Variants in SYNE2 observed in about 807,000 individuals in gnomAD.
SYNE2 encodes the protein spectrin repeat containing nuclear envelope protein 2, also known as nesprin-2.
Under a neutral mutation model 856.3 loss-of-function variants are expected in SYNE2, and 431 were observed. The observed-to-expected ratio is 0.50, with a 90% CI of 0.47 to 0.55. The LOEUF is 0.55. Among genes scored for constraint, SYNE2 ranks in the 20% least tolerant of loss-of-function variants. SYNE2 has a pLI of 0.00. For synonymous variants in SYNE2, 2,923 were observed against 2,872.3 expected (o/e 1.02, Z -0.56); for missense variants, 8,129 against 8,023.2 (o/e 1.01, Z -0.50).
At chr14:64,127,118 G>A (rs568748242) in intron 73 of SYNE2, among the ~76,000 whole-genome samples, 4 of 152,228 alleles carry the variant, frequency 2.6e-5, no homozygotes, top group East Asian at 1.9e-4. Context: ...AAAATTAGCC[G>A]GACATGGTGG....
At chr14:64,211,786 C>G (rs1396482250) in intron 103 of SYNE2, among the ~76,000 whole-genome samples, 175 bp from the exon 104 acceptor site, 2 of 152,216 alleles carry the variant, frequency 1.3e-5, no homozygotes, top group Non-Finnish European at 2.9e-5. Flanking sequence ...AAGCCAGAAC[C>G]AGACCCCAGC....
chr14:64,024,846 A>G (rs1313459945), intron 39 of SYNE2, 66 bp from the exon 40 acceptor site: 2 of 1,569,608 alleles, frequency 1.3e-6, no homozygotes, highest in African/African-American at 1.4e-5. Context: ...GGTTTGTGCC[A>G]TCCTTTTCTT....
At chr14:63,806,215 T>G (rs1437799017) in intron 1 of SYNE2, among the ~76,000 whole-genome samples, 1 of 152,214 alleles carries the variant, frequency 6.6e-6, no homozygotes, top group Non-Finnish European at 1.5e-5. Context: ...ATTGAAAGCC[T>G]TTTCTGTGTC....
At chr14:63,845,678 T>C (rs1335671290) in intron 1 of SYNE2, among the ~76,000 whole-genome samples, 13 of 151,806 alleles carry the variant, frequency 8.6e-5, no homozygotes, top group Admixed American at 6.6e-4. Flanking sequence ...TTTTAATACC[T>C]TGAACTATTA....
intron 57 of SYNE2, chr14:64,084,143 TG>T (rs2097543295): frequency 1.3e-5 from 2 of 152,162 alleles, no homozygotes; most frequent in Admixed American, 1.3e-4. Context: ...AGGCTGGTCT[TG>T]AACTCCTGAC....
intron 54 of SYNE2, among the ~76,000 whole-genome samples, chr14:64,077,130 A>G (rs2097468375): frequency 6.6e-6 from 1 of 152,144 alleles, no homozygotes; most frequent in African/African-American, 2.4e-5. Context: ...GACCCTCTAT[A>G]TTTGTAACAA....
chr14:63,781,738 T>C (rs1252154539), intron 1 of SYNE2, among the ~76,000 whole-genome samples: 1 of 152,068 alleles, frequency 6.6e-6, no homozygotes, highest in African/African-American at 2.4e-5. Flanking sequence ...CTAGAAACAA[T>C]GACACACCAA....
intron 48 of SYNE2, 124 bp downstream of exon 48, chr14:64,053,781 T>C (rs1309400121): frequency 1.1e-6 from 1 of 870,292 alleles, no homozygotes; most frequent in Admixed American, 2.9e-5. Context: ...CTGGCCAACA[T>C]GGCAAAACTG....
At chr14:64,150,320 A>AAG (rs1377267773) in intron 84 of SYNE2, among the ~76,000 whole-genome samples, 101 of 140,152 alleles carry the variant, frequency 7.2e-4, no homozygotes, top group Non-Finnish European at 7.8e-4. Context: ...AAAAAAAAAA[A>AAG]AGGATCCTCC....
intron 2 of SYNE2, among the ~76,000 whole-genome samples, chr14:63,918,534 T>A (rs538916628): frequency 1.3e-5 from 2 of 152,236 alleles, no homozygotes; most frequent in Non-Finnish European, 2.9e-5. Flanking sequence ...AAGTTCTGAA[T>A]ATGTGTCTCT....
intron 89 of SYNE2, among the ~76,000 whole-genome samples, chr14:64,164,646 A>C (rs2098359975): frequency 6.6e-6 from 1 of 151,740 alleles, no homozygotes; most frequent in South Asian, 2.1e-4. Flanking sequence ...CCAGCAGGAA[A>C]ACAAACAAAC....
chr14:64,039,235 G>T (rs957186721), intron 45 of SYNE2, among the ~76,000 whole-genome samples: 1 of 152,212 alleles, frequency 6.6e-6, no homozygotes, highest in Non-Finnish European at 1.5e-5. Flanking sequence ...TTGTTGCCAG[G>T]TTACAAGTAT....
chr14:64,215,542 A>T (rs993161072), intron 107 of SYNE2, 188 bp downstream of exon 107: 19 of 681,326 alleles, frequency 2.8e-5, no homozygotes, highest in South Asian at 4.9e-5. Flanking sequence ...AACCCCATCC[A>T]AGCCAGAGCC....
chr14:64,087,850 G>A lies in SYNE2; in HGVS notation c.11664G>A (p.Met3888Ile). The A allele has an allele frequency of 6.2e-7, 1 of 1,614,010 alleles. No individual in the cohort carries two copies. The highest frequency in any genetic ancestry group is 8.5e-7 in the Non-Finnish European group (1 of 1,179,904). ...IMESLPQIQR[M>I]ADDVVAIESE... ...AAAGCCTTCCACAGATTCAGCGAAT[G>A]GCTGATGTAAGTTTGCACCATTCAT... The change falls in exon 58 of 116, where the codon ATG (methionine) becomes ATA (isoleucine). Residue 3888 changes from methionine to isoleucine, a missense_variant. Coordinates refer to ENST00000555002, the MANE Select transcript of SYNE2 (RefSeq NM_182914.3).
intron 76 of SYNE2, among the ~76,000 whole-genome samples, chr14:64,130,877 CTA>C (rs1289216289): frequency 7.1e-6 from 1 of 141,404 alleles, no homozygotes; most frequent in Non-Finnish European, 1.5e-5. Flanking sequence ...CAGCAAGACT[CTA>C]TCTCAAAAAA....
At chr14:64,128,316 A>G in intron 73 of SYNE2, 136 bp from the exon 74 acceptor site, 1 of 638,928 alleles carries the variant, frequency 1.6e-6, no homozygotes, top group Admixed American at 2.6e-5. Flanking sequence ...TTTAATGATG[A>G]TAAAATGGGG....
intron 70 of SYNE2, 73 bp downstream of exon 70, chr14:64,122,500 A>G (rs758278787): frequency 7.5e-6 from 12 of 1,599,634 alleles, no homozygotes; most frequent in African/African-American, 1.3e-5. Context: ...TTAAATAAAC[A>G]TGTATATTCT....
Position 64,093,363 on chromosome 14 carries a change from G to C in SYNE2, c.11991G>C (p.Gln3997His), listed in dbSNP as rs2097646607. ...TTATTTTATAGGTAGTCATAAAACAGACCAATGAATGGGATGAAGAAATAG... is the reference window on the plus strand; with the variant it reads ...TTATTTTATAGGTAGTCATAAAACACACCAATGAATGGGATGAAGAAATAG... ...QNELLKVVIK[Q>H]TNEWDEEIEN... Residue 3997 changes from glutamine to histidine, a missense_variant, in exon 61 of 116, where the codon CAG (glutamine) becomes CAC (histidine). Transcript: ENST00000555002. The C allele has an allele frequency of 2.8e-5, 45 of 1,613,934 alleles. No homozygotes were observed. The highest frequency in any genetic ancestry group is 3.7e-5 in the Non-Finnish European group (44 of 1,179,858).
intron 82 of SYNE2, among the ~76,000 whole-genome samples, chr14:64,143,160 C>T (rs185893828): frequency 1.6e-4 from 25 of 152,284 alleles, no homozygotes; most frequent in Admixed American, 1.5e-3. Flanking sequence ...CTGTCACCCC[C>T]GGGTGTCTCC....
Sources: gnomAD v4.1 joint callset for allele counts (sites outside exome capture counted in the v4.1 genomes callset) on GRCh38, gnomAD v4.1.1 for gene constraint, MANE v1.5 for transcripts, NCBI Gene and HGNC (gene_info 2026-07-23, HGNC 2026-07-21) for gene names.